Variants in RPS29 observed in about 807,000 individuals in gnomAD.
RPS29 encodes small ribosomal subunit protein uS14.
For synonymous variants in RPS29, 37 were observed against 26.9 expected, an observed-to-expected ratio of 1.37 and a Z score of -1.16; for missense variants, 60 against 75.7, an observed-to-expected ratio of 0.79 and a Z score of 0.77.
chr14:49,591,471 C>T (rs1460732976), intron 1 of RPS29, among the ~76,000 whole-genome samples: 3 of 152,104 alleles, frequency 2.0e-5, no homozygotes, highest in Admixed American at 1.3e-4. Flanking sequence ...GTCACCACAC[C>T]CAGCTAATTT....
chr14:49,577,747 G>A lies in RPS29; in HGVS notation c.*65C>T, dbSNP rs41317310. 8,742 of 1,257,302 alleles carry A rather than the reference G, an allele frequency of 7.0e-3. 31 individuals carry two copies. The highest frequency in any genetic ancestry group is 7.9e-3 in the Non-Finnish European group (6,753 of 858,224). The allele number at this position is 1,257,302 out of a possible 1,614,324, so 77.9% of individuals were successfully genotyped here. On this transcript the variant is annotated 3_prime_UTR_variant, in exon 3 of 3. Coordinates refer to the RPS29 transcript ENST00000396020. ...CTGACTGGTTCCCAGTGAACTTGGT[G>A]CTCTTTTTGATGATCTTGGGCTTCG... is the stretch of plus-strand genomic sequence containing the variant.
At chr14:49,590,174 A>G (rs750909234), upstream of RPS29, among the ~76,000 whole-genome samples, 18 of 152,182 alleles carry the variant, frequency 1.2e-4, no homozygotes, top group Non-Finnish European at 2.6e-4. Context: ...CCTTGAAACT[A>G]AAAGTTTTTT....
Position 49,595,923 on chromosome 14 carries a change from G to A in RPS29, c.-133+2477C>T, listed in dbSNP as rs1173841580. 2.0e-5 allele frequency among the ~76,000 whole-genome samples: 3 copies of A among 151,378 alleles called. No individual in the cohort carries two copies. In the East Asian group the frequency reaches 5.9e-4, roughly 30 times the overall value. On this transcript the variant is annotated intron_variant, in intron 1 of 3. Coordinates refer to the RPS29 transcript ENST00000556230. The stretch of plus-strand genomic sequence containing the variant: ...AGCTACTCAGGAGGCTGAGGCAGGA[G>A]AATCGCTTGAGCCGGGGAGGCTGAG...
chr14:49,588,811 G>C (rs543991864), upstream of RPS29, among the ~76,000 whole-genome samples: 6 of 150,098 alleles, frequency 4.0e-5, no homozygotes, highest in Non-Finnish European at 8.9e-5. Context: ...TTACAGGAGT[G>C]AGCCACCACG....
downstream of RPS29, among the ~76,000 whole-genome samples, chr14:49,579,611 C>T (rs772683637): frequency 6.6e-6 from 1 of 152,186 alleles, no homozygotes; most frequent in Non-Finnish European, 1.5e-5. Flanking sequence ...ATAGCACCTA[C>T]CATCTTTTGC....
At chr14:49,596,169 G>A (rs1881818507) in intron 1 of RPS29, among the ~76,000 whole-genome samples, 1 of 152,144 alleles carries the variant, frequency 6.6e-6, no homozygotes, top group Non-Finnish European at 1.5e-5. Context: ...ACTGAACTGG[G>A]ATTTGATCAT....
chr14:49,578,663 C>T (rs112074209), downstream of RPS29, among the ~76,000 whole-genome samples: 1,238 of 147,088 alleles, frequency 8.4e-3, 13 homozygotes, highest in African/African-American at 0.03. Context: ...CCGGTTCAAG[C>T]GATTCTTGTG....
exon 3 of RPS29, chr14:49,571,983 C>T (rs1005539364): frequency 9.9e-5 from 15 of 152,222 alleles, no homozygotes; most frequent in African/African-American, 2.9e-4. Context: ...CCCAGTCTCA[C>T]TCTGTTGCCC....
chr14:49,573,466 C>CAAAAAAAAAA (rs538991068), exon 3 of RPS29: 1 of 47,772 alleles, frequency 2.1e-5, no homozygotes. Context: ...GAGTTAGAAT[C>CAAAAAAAAAA]AAAAAAAAAA....
chr14:49,573,692 G>A (rs1032316892), exon 3 of RPS29: 2 of 152,094 alleles, frequency 1.3e-5, no homozygotes, highest in Non-Finnish European at 2.9e-5. Flanking sequence ...TGTTGGAGTG[G>A]ACCATCTTTA....
downstream of RPS29, chr14:49,583,506 A>G (rs376277516): frequency 4.1e-5 from 29 of 710,396 alleles, no homozygotes; most frequent in East Asian, 3.2e-4. Flanking sequence ...CTCAGTCTCA[A>G]AAAAAAAAAG....
intron 1 of RPS29, chr14:49,597,342 G>A (rs190889697): frequency 2.0e-5 from 3 of 152,328 alleles, no homozygotes; most frequent in Admixed American, 2.0e-4. Context: ...ACAGGCGTGA[G>A]CCACCGCACC....
At chr14:49,586,253 A>G (rs1312535380) in intron 1 of RPS29, 32 bp downstream of exon 1, 2 of 1,607,878 alleles carry the variant, frequency 1.2e-6, no homozygotes, top group South Asian at 1.1e-5. Context: ...CTCCACGGCA[A>G]CGCTTCCCCA....
At chr14:49,589,813 G>A (rs1881673425), upstream of RPS29, among the ~76,000 whole-genome samples, 1 of 152,176 alleles carries the variant, frequency 6.6e-6, no homozygotes, top group Non-Finnish European at 1.5e-5. Flanking sequence ...ACAGTAGACT[G>A]GATAAAGAAA....
chr14:49,577,643 TG>T, exon 3 of RPS29: 1 of 721,042 alleles, frequency 1.4e-6, no homozygotes, highest in Non-Finnish European at 2.5e-6. Context: ...GGCATAGATC[TG>T]GCCCTCAAAC....
downstream of RPS29, among the ~76,000 whole-genome samples, chr14:49,581,095 G>T (rs978679284): frequency 6.6e-6 from 1 of 151,830 alleles, no homozygotes; most frequent in African/African-American, 2.4e-5. Flanking sequence ...GCTGAGGCAG[G>T]AGAATTGCTT....
upstream of RPS29, among the ~76,000 whole-genome samples, chr14:49,590,181 T>G (rs145614197): frequency 0.011 from 1,672 of 152,228 alleles, 34 homozygotes; most frequent in African/African-American, 0.038. Context: ...ACTAAAAGTT[T>G]TTTTAAAAAC....
chr14:49,590,427 G>A (rs1365803275), upstream of RPS29, among the ~76,000 whole-genome samples: 5 of 151,994 alleles, frequency 3.3e-5, no homozygotes, highest in Non-Finnish European at 7.4e-5. Flanking sequence ...AGTGAGCCGA[G>A]ATTGCGCCAC....
upstream of RPS29, among the ~76,000 whole-genome samples, chr14:49,589,824 ATG>A (rs1881673700): frequency 6.6e-6 from 1 of 152,264 alleles, no homozygotes; most frequent in African/African-American, 2.4e-5. Flanking sequence ...GATAAAGAAA[ATG>A]TAGTACATAT....
Sources: gnomAD v4.1 joint callset for allele counts (sites outside exome capture counted in the v4.1 genomes callset) on GRCh38, gnomAD v4.1.1 for gene constraint, MANE v1.5 for transcripts, NCBI Gene and HGNC (gene_info 2026-07-23, HGNC 2026-07-21) for gene names.